CREB5: variants seen among roughly 807,000 people sequenced by gnomAD.
The protein encoded by CREB5 is cyclic AMP-responsive element-binding protein 5.
Under a neutral mutation model 57.1 loss-of-function variants are expected in CREB5, and 19 were observed. The observed-to-expected ratio is 0.33, with a 90% confidence interval of 0.23 to 0.49. CREB5 has a LOEUF of 0.49. CREB5 is among the 20% of genes least tolerant of loss of function. The pLI is 0.99. For synonymous variants in CREB5, 238 were observed against 238.3 expected (o/e 1.00, Z 0.01); for missense variants, 579 against 671.6 (o/e 0.86, Z 1.52).
At chr7:28,441,624 T>G (rs1789186786) in intron 1 of CREB5, among the ~76,000 whole-genome samples, 1 of 152,220 alleles carries the variant, frequency 6.6e-6, no homozygotes, top group Non-Finnish European at 1.5e-5. Flanking sequence ...TAGTGAATAT[T>G]TGGTATGTGG....
At chr7:28,560,943 T>A (rs13245595) in intron 4 of CREB5, among the ~76,000 whole-genome samples, 1 of 33,172 alleles carries the variant, frequency 3.0e-5, no homozygotes, top group Admixed American at 3.9e-4. Flanking sequence ...TGTGCGTGCG[T>A]GTGTGTGCGT....
chr7:28,685,026 T>G (rs150550096), intron 5 of CREB5, among the ~76,000 whole-genome samples: 2 of 152,228 alleles, frequency 1.3e-5, no homozygotes, highest in African/African-American at 4.8e-5. Flanking sequence ...GGATCATGCT[T>G]GACTGCCCCC....
chr7:28,563,842 G>A (rs1343860100), intron 4 of CREB5, among the ~76,000 whole-genome samples: 1 of 152,058 alleles, frequency 6.6e-6, no homozygotes, highest in Admixed American at 6.5e-5. Context: ...TTACAGTGCT[G>A]CGGAGAATGC....
intron 4 of CREB5, among the ~76,000 whole-genome samples, chr7:28,518,799 TG>T (rs1407198089): frequency 6.6e-6 from 1 of 152,178 alleles, no homozygotes; most frequent in Admixed American, 6.5e-5. Flanking sequence ...TCCCCCCATG[TG>T]GATTGTGAGG....
chr7:28,322,814 G>A (rs192277436), intron 1 of CREB5, among the ~76,000 whole-genome samples: 208 of 152,264 alleles, frequency 1.4e-3, no homozygotes, highest in Middle Eastern at 3.4e-3. Flanking sequence ...GTATTCCATG[G>A]TGTATATGTG....
chr7:28,695,122 G>A (rs1038416479), intron 5 of CREB5, among the ~76,000 whole-genome samples: 1 of 152,160 alleles, frequency 6.6e-6, no homozygotes, highest in Non-Finnish European at 1.5e-5. Flanking sequence ...AGCCACTTGG[G>A]AGACTGAAGC....
chr7:28,576,333 A>G (rs1453972683), intron 5 of CREB5, among the ~76,000 whole-genome samples: 1 of 152,238 alleles, frequency 6.6e-6, no homozygotes, highest in Non-Finnish European at 1.5e-5. Flanking sequence ...TAATTCTTCA[A>G]TAGCTCAGAG....
chr7:28,384,732 A>G (rs916050887), intron 1 of CREB5, among the ~76,000 whole-genome samples: 13 of 152,114 alleles, frequency 8.5e-5, no homozygotes, highest in African/African-American at 2.9e-4. Flanking sequence ...TTTGGTGCAA[A>G]TAGAAAAGCA....
intron 1 of CREB5, among the ~76,000 whole-genome samples, chr7:28,417,346 T>TCC (rs1788069048): frequency 7.4e-6 from 1 of 135,436 alleles, no homozygotes; most frequent in African/African-American, 2.8e-5. Flanking sequence ...ATTCTCTCTT[T>TCC]CTCTCTCTTT....
chr7:28,403,886 C>T (rs939527863), intron 1 of CREB5, among the ~76,000 whole-genome samples: 1 of 152,094 alleles, frequency 6.6e-6, no homozygotes, highest in South Asian at 2.1e-4. Context: ...TTTAATGTCA[C>T]TTTAAATAGC....
intron 1 of CREB5, among the ~76,000 whole-genome samples, chr7:28,445,624 T>C (rs1789409098): frequency 6.6e-6 from 1 of 151,900 alleles, no homozygotes; most frequent in Non-Finnish European, 1.5e-5. Flanking sequence ...CGATCTCGGC[T>C]CACTGCAAGC....
At chr7:28,506,993 AG>A (rs1254795018) in intron 3 of CREB5, among the ~76,000 whole-genome samples, 1 of 152,236 alleles carries the variant, frequency 6.6e-6, no homozygotes, top group Non-Finnish European at 1.5e-5. Flanking sequence ...GCTATAGCAA[AG>A]GAAAATAAAA....
At chr7:28,706,201 A>G (rs1802097832) in intron 5 of CREB5, among the ~76,000 whole-genome samples, 1 of 152,176 alleles carries the variant, frequency 6.6e-6, no homozygotes, top group Admixed American at 6.5e-5. Flanking sequence ...CTAAAAATAC[A>G]AAAAATTAGA....
At chr7:28,505,075 C>A (rs1792424280) in intron 3 of CREB5, among the ~76,000 whole-genome samples, 1 of 152,162 alleles carries the variant, frequency 6.6e-6, no homozygotes, top group African/African-American at 2.4e-5. Context: ...AGGCCTGGGG[C>A]AGGTCTCAGT....
chr7:28,716,138 A>AT (rs958898960), intron 5 of CREB5, among the ~76,000 whole-genome samples: 1 of 151,890 alleles, frequency 6.6e-6, no homozygotes, highest in Non-Finnish European at 1.5e-5. Flanking sequence ...TTTTTCTCTA[A>AT]TTTTTTTTAA....
At chr7:28,509,310 C>G (rs574763397) in intron 4 of CREB5, among the ~76,000 whole-genome samples, 1 of 152,316 alleles carries the variant, frequency 6.6e-6, no homozygotes, top group African/African-American at 2.4e-5. Flanking sequence ...TAGATATTCT[C>G]CATTGCATTA....
intron 5 of CREB5, among the ~76,000 whole-genome samples, chr7:28,574,682 C>T (rs1795837251): frequency 6.6e-6 from 1 of 152,058 alleles, no homozygotes; most frequent in African/African-American, 2.4e-5. Context: ...TTTTTCTTAC[C>T]TTTTACTTCT....
At chr7:28,703,129 T>C (rs1250262309) in intron 5 of CREB5, among the ~76,000 whole-genome samples, 1 of 152,232 alleles carries the variant, frequency 6.6e-6, no homozygotes, top group Non-Finnish European at 1.5e-5. Context: ...CTTTGGTTTA[T>C]GAAGATCATT....
At chr7:28,542,858 T>C (rs1794260449) in intron 4 of CREB5, among the ~76,000 whole-genome samples, 1 of 152,190 alleles carries the variant, frequency 6.6e-6, no homozygotes, top group Admixed American at 6.5e-5. Flanking sequence ...TTACTTAATG[T>C]TAAATCTTGT....
Sources: gnomAD v4.1 joint callset for allele counts (sites outside exome capture counted in the v4.1 genomes callset) on GRCh38, gnomAD v4.1.1 for gene constraint, MANE v1.5 for transcripts, NCBI Gene and HGNC (gene_info 2026-07-23, HGNC 2026-07-21) for gene names.